The following CLOCK variants were observed in gnomAD, a reference collection of about 807,000 sequenced individuals.
CLOCK encodes circadian locomoter output cycles protein kaput.
In CLOCK, 43 loss-of-function variants were observed where a neutral mutation model predicts 118.4. That is an observed-to-expected ratio of 0.36 (90% CI 0.28 to 0.47). CLOCK has a LOEUF of 0.47. Among genes scored for constraint, CLOCK ranks in the 20% least tolerant of loss-of-function variants. CLOCK has a pLI of 1.00. For missense variants in CLOCK, 846 were observed against 999.9 expected (o/e 0.85, Z 2.08); for synonymous variants, 326 against 339.2 (o/e 0.96, Z 0.43).
chr4:55,535,777 T>TCTGTCACC (rs934774335), intron 1 of CLOCK, among the ~76,000 whole-genome samples: 3 of 143,092 alleles, frequency 2.1e-5, no homozygotes, highest in African/African-American at 8.0e-5. Flanking sequence ...GTCTTGTTGC[T>TCTGTCACC]CTGTCACCCA....
rs572381407 is a variant in CLOCK at position 55,449,499 on chromosome 4, G to A, written c.1349-3C>T. ...CGTCGGGATCTTGGTTGGTGTTGCT[G>A]AAGTCAACAAAATCAGAAGAGCATT... On this transcript the variant is annotated splice_region_variant and splice_polypyrimidine_tract_variant and intron_variant, in intron 16 of 22. Coordinates refer to ENST00000513440, the MANE Select transcript of CLOCK (RefSeq NM_004898.4). The A allele has an allele frequency of 6.2e-7, 1 of 1,611,608 alleles. No individual in the cohort carries two copies. The highest frequency in any genetic ancestry group is 1.3e-5 in the African/African-American group (1 of 74,982).
chr4:55,468,139 G>A (rs971979621), intron 8 of CLOCK, among the ~76,000 whole-genome samples: 1 of 151,918 alleles, frequency 6.6e-6, no homozygotes, highest in East Asian at 1.9e-4. Flanking sequence ...TAATTTTTTT[G>A]TAGAGACAGG....
chr4:55,515,374 T>G (rs1397678125), intron 1 of CLOCK, among the ~76,000 whole-genome samples: 1 of 152,056 alleles, frequency 6.6e-6, no homozygotes, highest in Non-Finnish European at 1.5e-5. Flanking sequence ...TCCATTTCAC[T>G]GGCTGTTTTG....
intron 4 of CLOCK, among the ~76,000 whole-genome samples, chr4:55,482,239 G>GC: frequency 6.6e-6 from 1 of 152,096 alleles, no homozygotes; most frequent in African/African-American, 2.4e-5. Flanking sequence ...AACCCTCACT[G>GC]CCCCCTTCCA....
chr4:55,511,034 G>T (rs1335249982), intron 1 of CLOCK, among the ~76,000 whole-genome samples: 1 of 152,162 alleles, frequency 6.6e-6, no homozygotes, highest in African/African-American at 2.4e-5. Flanking sequence ...AATTTCAGGG[G>T]ACCTTTGCAA....
At chr4:55,511,997 C>A (rs57534063) in intron 1 of CLOCK, among the ~76,000 whole-genome samples, 1 of 151,372 alleles carries the variant, frequency 6.6e-6, no homozygotes, top group Non-Finnish European at 1.5e-5. Context: ...ACAGTTTATC[C>A]GCTCACATAA....
chr4:55,465,184 C>T (rs370719797), intron 8 of CLOCK, among the ~76,000 whole-genome samples: 54 of 152,150 alleles, frequency 3.5e-4, no homozygotes, highest in African/African-American at 1.3e-3. Context: ...TTTTTCTAAT[C>T]GTTCCCTAAA....
chr4:55,521,679 C>CA (rs1325369271), intron 1 of CLOCK, among the ~76,000 whole-genome samples: 1 of 152,246 alleles, frequency 6.6e-6, no homozygotes, highest in African/African-American at 2.4e-5. Context: ...GCCTCAGACT[C>CA]AGACATACTT....
chr4:55,492,357 T>TAAAAA lies in CLOCK; in HGVS notation c.-135-2897_-135-2893dup, dbSNP rs369193423. Among the ~76,000 whole-genome samples the TAAAAA allele has an allele frequency of 2.1e-3, 302 of 141,798 alleles. 6 individuals carry two copies. Among genetic ancestry groups the TAAAAA allele is most frequent in the East Asian group, 0.019 (90 of 4,738 alleles). The allele number at this position is 141,798 out of a possible 152,430, so 93.0% of individuals were successfully genotyped here. A position where few individuals can be genotyped will look rare whatever the true frequency, so the allele number is the denominator to read the frequency against. On this transcript the variant is annotated intron_variant, in intron 2 of 22. Coordinates refer to ENST00000513440, the MANE Select transcript of CLOCK (RefSeq NM_004898.4). ...AACAAAATCCAACACCTATTCATGA[T>TAAAAA]AAAAAAAAAAAACGCCATTCAACAA... is the stretch of plus-strand genomic sequence containing the variant.
chr4:55,519,874 G>A (rs1224951532), intron 1 of CLOCK, among the ~76,000 whole-genome samples: 1 of 152,128 alleles, frequency 6.6e-6, no homozygotes, highest in Non-Finnish European at 1.5e-5. Flanking sequence ...AGGGGTGGCA[G>A]GGGGTCTTTC....
chr4:55,476,176 T>C (rs1726498598), intron 6 of CLOCK, 122 bp from the exon 7 acceptor site: 6 of 700,128 alleles, frequency 8.6e-6, no homozygotes, highest in South Asian at 7.7e-5. Flanking sequence ...TTAACATTTA[T>C]TGGGTAGATA....
rs940101118 is a variant in CLOCK, at chr4:55,434,555, A to G, written c.*860T>C. The G allele has an allele frequency of 2.6e-5, 4 of 152,186 alleles. No individual in the cohort carries two copies. The highest frequency in any genetic ancestry group is 9.7e-5 in the African/African-American group (4 of 41,424). The allele number at this position is 152,186 out of a possible 1,614,324, so 9.4% of individuals were successfully genotyped here. On this transcript the variant is annotated 3_prime_UTR_variant, in exon 23 of 23. Coordinates refer to ENST00000513440, the MANE Select transcript of CLOCK (RefSeq NM_004898.4). The stretch of plus-strand genomic sequence containing the variant: ...ATAATGAAATGAGGGATATTTCTGA[A>G]TAACTTGAAAATCCTGTTGTATCAA...
Position 55,442,552 on chromosome 4 carries a change from T to C in CLOCK, c.1985A>G (p.Tyr662Cys), listed in dbSNP as rs763646149. Residue 662 changes from tyrosine to cysteine, a missense_variant, in exon 21 of 23, where the codon TAT becomes TGT. Transcript: ENST00000513440. ...AGGCTGAGAAATCACCATAGTGTTATACAGTGGGGCTGTAAGAGTGCTCTG... is the reference window on the plus strand; with the variant it reads ...AGGCTGAGAAATCACCATAGTGTTACACAGTGGGGCTGTAAGAGTGCTCTG... ...QTQSTLTAPL[Y>C]NTMVISQPAA... 2.4e-5 allele frequency: 38 copies of C among 1,611,660 alleles called. No homozygotes were observed. Among genetic ancestry groups the C allele is most frequent in the Non-Finnish European group, 3.2e-5 (38 of 1,179,674 alleles).
At chr4:55,494,162 G>A (rs1311840129) in intron 2 of CLOCK, among the ~76,000 whole-genome samples, 1 of 152,094 alleles carries the variant, frequency 6.6e-6, no homozygotes, top group Non-Finnish European at 1.5e-5. Context: ...GAAGGTGGAG[G>A]GAGAGCACAA....
At chr4:55,502,589 AC>A (rs1407619156) in intron 2 of CLOCK, among the ~76,000 whole-genome samples, 1 of 152,214 alleles carries the variant, frequency 6.6e-6, no homozygotes, top group Admixed American at 6.5e-5. Context: ...ATAGAAGAAA[AC>A]ATAGATAACA....
Position 55,470,627 on chromosome 4 carries a change from A to G in CLOCK, c.438+90T>C, listed in dbSNP as rs533503719. 1.0e-4 allele frequency: 90 copies of G among 890,556 alleles called. 1 individual carries two copies. The East Asian group carries it at 2.2e-3, about 22-fold the overall frequency. The allele number at this position is 890,556 out of a possible 1,614,324, so 55.2% of individuals were successfully genotyped here. On this transcript the variant is annotated intron_variant, in intron 8 of 22. Transcript: ENST00000513440. ...TTCCTACCCCTTTAACGACTGTTGT[A>G]CACTGCTCTCAAAGTCCACTTCCCA...
At chr4:55,453,588 C>G in intron 14 of CLOCK, 89 bp downstream of exon 14, 1 of 1,101,896 alleles carries the variant, frequency 9.1e-7, no homozygotes. Flanking sequence ...CACTTTGTAG[C>G]TCTTTAACAA....
At chr4:55,455,497 T>C (rs961860053) in intron 13 of CLOCK, among the ~76,000 whole-genome samples, 2 of 152,240 alleles carry the variant, frequency 1.3e-5, no homozygotes, top group African/African-American at 4.8e-5. Flanking sequence ...AAGCACTTAC[T>C]ATGAGCTTTC....
chr4:55,447,910 T>C lies in CLOCK; in HGVS notation c.1539+869A>G, dbSNP rs1400201373. 3.9e-5 allele frequency among the ~76,000 whole-genome samples: 6 copies of C among 152,336 alleles called. No homozygotes were observed. The East Asian group carries it at 1.2e-3, about 29-fold the overall frequency. ...TTCTCCATAGTATTTTTAATGTGTT[T>C]GAGGCACTGAATGAGTACAGAGTCA... is the stretch of plus-strand genomic sequence containing the variant. On this transcript the variant is annotated intron_variant, in intron 18 of 22. Transcript: ENST00000513440.
Sources: allele counts gnomAD v4.1 joint callset (sites outside exome capture counted in the v4.1 genomes callset), GRCh38; gene constraint gnomAD v4.1.1; transcripts MANE v1.5; gene names NCBI Gene and HGNC (gene_info 2026-07-23, HGNC 2026-07-21).